Variants in WDR49 observed in about 807,000 individuals in gnomAD.
The protein encoded by WDR49 is WD repeat domain 49, also known as cilia- and flagella-associated protein 337.
A neutral mutation model predicts 119.5 loss-of-function variants in WDR49; 107 were observed. The ratio of observed to expected loss-of-function variants is 0.90; its 90% CI spans 0.77 to 1.05. The LOEUF (loss-of-function observed/expected upper bound fraction) is 1.05. WDR49 is among the 50% of genes least tolerant of loss of function. The probability of loss-of-function intolerance (pLI) is 0.00; values close to 1 mark genes in which losing one functional copy is unlikely to be tolerated. For missense variants in WDR49, 1,240 were observed against 1,220.5 expected (o/e 1.02, Z -0.24); for synonymous variants, 425 against 418.8 (o/e 1.01, Z -0.18).
intron 7 of WDR49, among the ~76,000 whole-genome samples, chr3:167,580,056 A>G (rs538896032): frequency 2.6e-5 from 4 of 152,198 alleles, no homozygotes; most frequent in Non-Finnish European, 5.9e-5. Context: ...TTAGTCACAT[A>G]AATTATATGA....
chr3:167,651,469 T>C (rs1288298007), intron 2 of WDR49, among the ~76,000 whole-genome samples: 1 of 152,172 alleles, frequency 6.6e-6, no homozygotes, highest in Non-Finnish European at 1.5e-5. Flanking sequence ...CATTCTTCTT[T>C]AGGTGTCCGT....
chr3:167,614,925 T>C (rs919511072), intron 5 of WDR49, among the ~76,000 whole-genome samples: 11 of 152,224 alleles, frequency 7.2e-5, no homozygotes, highest in Non-Finnish European at 1.6e-4. Flanking sequence ...TTGCTCCTGA[T>C]AGAGCAAGTC....
At chr3:167,522,676 T>G (rs1257723979) in intron 15 of WDR49, among the ~76,000 whole-genome samples, 192 bp from the exon 16 acceptor site, 1 of 152,098 alleles carries the variant, frequency 6.6e-6, no homozygotes, top group African/African-American at 2.4e-5. Flanking sequence ...TCATGTAACT[T>G]TAATAAAGGT....
At chr3:167,536,591 G>A (rs1753035219) in intron 11 of WDR49, among the ~76,000 whole-genome samples, 1 of 151,030 alleles carries the variant, frequency 6.6e-6, no homozygotes, top group Admixed American at 6.6e-5. Flanking sequence ...GAGGTGGGAG[G>A]ATCACTTGAA....
chr3:167,489,071 A>G (rs1006833513), intron 18 of WDR49, among the ~76,000 whole-genome samples: 5 of 152,018 alleles, frequency 3.3e-5, no homozygotes, highest in African/African-American at 1.2e-4. Flanking sequence ...GCTCTTATCA[A>G]TATCATTCTC....
At chr3:167,533,653 GAA>G (rs1272791274) in intron 11 of WDR49, among the ~76,000 whole-genome samples, 1 of 151,966 alleles carries the variant, frequency 6.6e-6, no homozygotes, top group Non-Finnish European at 1.5e-5. Flanking sequence ...TTTTCCTACA[GAA>G]AGTCCTTCAG....
chr3:167,600,367 CTG>C (rs1259172983), intron 7 of WDR49, among the ~76,000 whole-genome samples: 1 of 152,088 alleles, frequency 6.6e-6, no homozygotes, highest in Non-Finnish European at 1.5e-5. Flanking sequence ...CACACAGACA[CTG>C]TGGTGGGAAA....
At chr3:167,519,179 A>T (rs1053378278) in intron 16 of WDR49, among the ~76,000 whole-genome samples, 4 of 152,148 alleles carry the variant, frequency 2.6e-5, no homozygotes, top group Admixed American at 2.0e-4. Context: ...TGTTGATGGG[A>T]ATGTAAATTA....
chr3:167,531,361 C>T (rs1752848629), intron 12 of WDR49, 82 bp from the exon 13 acceptor site: 2 of 1,450,044 alleles, frequency 1.4e-6, no homozygotes, highest in African/African-American at 2.8e-5. Context: ...AGCAGGCCCA[C>T]ATCTATCACT....
intron 11 of WDR49, among the ~76,000 whole-genome samples, chr3:167,534,564 T>C (rs955210002): frequency 2.6e-5 from 4 of 152,128 alleles, no homozygotes. Flanking sequence ...GAACTTTAAA[T>C]ATAGATAGAT....
At chr3:167,538,158 T>C in intron 10 of WDR49, among the ~76,000 whole-genome samples, 1 of 152,168 alleles carries the variant, frequency 6.6e-6, no homozygotes, top group Non-Finnish European at 1.5e-5. Flanking sequence ...GTCACTGCTA[T>C]ACAAATGGCT....
chr3:167,526,914 A>AC (rs5854240), intron 15 of WDR49, among the ~76,000 whole-genome samples: 150,238 of 152,280 alleles, frequency 0.99, 74,118 homozygotes, highest in East Asian at 1. Flanking sequence ...TTGAGGCTTC[A>AC]CTTAAACTTA....
At chr3:167,531,325 G>A in intron 12 of WDR49, 46 bp from the exon 13 acceptor site, 2 of 1,599,326 alleles carry the variant, frequency 1.3e-6, no homozygotes, top group Non-Finnish European at 1.7e-6. Flanking sequence ...AAAAATATCT[G>A]CTTTTCAAAC....
At chr3:167,531,055 AT>A in intron 13 of WDR49, 59 bp downstream of exon 13, 1 of 1,540,618 alleles carries the variant, frequency 6.5e-7, no homozygotes, top group East Asian at 2.3e-5. Flanking sequence ...GTAGAAATAG[AT>A]TGGATTTTCT....
chr3:167,538,100 T>C (rs145231458), intron 10 of WDR49, among the ~76,000 whole-genome samples: 147 of 152,258 alleles, frequency 9.7e-4, no homozygotes, highest in Non-Finnish European at 1.7e-3. Flanking sequence ...TTTCTCTCTA[T>C]CCACTCAAAC....
At chr3:167,611,918 C>T (rs1024169960) in intron 5 of WDR49, among the ~76,000 whole-genome samples, 1 of 152,150 alleles carries the variant, frequency 6.6e-6, no homozygotes, top group Non-Finnish European at 1.5e-5. Flanking sequence ...ACTTTCAGCA[C>T]TGGACAGAAC....
intron 2 of WDR49, among the ~76,000 whole-genome samples, chr3:167,643,508 A>G (rs1717977370): frequency 6.6e-6 from 1 of 152,148 alleles, no homozygotes; most frequent in African/African-American, 2.4e-5. Context: ...AAGCAAATGT[A>G]TAATTCTGTA....
intron 18 of WDR49, among the ~76,000 whole-genome samples, chr3:167,492,147 T>C (rs995455355): frequency 1.9e-5 from 2 of 105,682 alleles, no homozygotes; most frequent in African/African-American, 9.3e-5. Context: ...TAATTGAAGT[T>C]TTTTTTTTTT....
At chr3:167,511,170 T>C (rs960664578) in intron 16 of WDR49, among the ~76,000 whole-genome samples, 5 of 152,228 alleles carry the variant, frequency 3.3e-5, no homozygotes, top group Non-Finnish European at 7.3e-5. Context: ...AACTGAAGGA[T>C]GTACATGATA....
Sources: gnomAD v4.1 joint callset for allele counts (sites outside exome capture counted in the v4.1 genomes callset) on GRCh38, gnomAD v4.1.1 for gene constraint, MANE v1.5 for transcripts, NCBI Gene and HGNC (gene_info 2026-07-23, HGNC 2026-07-21) for gene names.